The following CENPF variants were observed in gnomAD, a reference collection of about 807,000 sequenced individuals.
The protein encoded by CENPF is AH antigen.
A neutral mutation model predicts 307.3 loss-of-function variants in CENPF; 214 were observed. That is an observed-to-expected ratio of 0.70 (90% CI 0.62 to 0.78). The LOEUF is 0.78. Ranked by LOEUF, CENPF falls within the 30% of genes least tolerant of loss-of-function variation. The pLI, the probability that CENPF is intolerant of heterozygous loss-of-function variation, is 0.00. For missense variants in CENPF, 3,401 were observed against 3,483.9 expected, an observed-to-expected ratio of 0.98 and a Z score of 0.60; for synonymous variants, 1,259 against 1,270.6, an observed-to-expected ratio of 0.99 and a Z score of 0.19.
chr1:214,660,659 C>G (rs759659840), intron 19 of CENPF, among the ~76,000 whole-genome samples: 2 of 152,192 alleles, frequency 1.3e-5, no homozygotes, highest in African/African-American at 4.8e-5. Context: ...TTTCCCAAAC[C>G]TCAGTAAAAA....
In CENPF at chr1:214,641,232, A is replaced by G. The variant is rs1392510081; in HGVS notation, c.2894A>G (p.Asn965Ser). 1.2e-6 allele frequency: 2 copies of G among 1,603,380 alleles called. No homozygotes were observed. The highest frequency in any genetic ancestry group is 1.7e-6 in the Non-Finnish European group (2 of 1,177,240). ...KKEMSSIISL[N>S]KREIEELTQE... ...GAAATGAGTTCCATCATTTCTCTAAATAAAAGGGAAATTGAAGAGCTGACC... is the reference window on the plus strand; with the variant it reads ...GAAATGAGTTCCATCATTTCTCTAAGTAAAAGGGAAATTGAAGAGCTGACC... Residue 965 changes from asparagine (N) to serine (S), a missense_variant, in exon 12 of 20, where the codon AAT (asparagine) becomes AGT (serine). Transcript: ENST00000366955.
Position 214,603,665 on chromosome 1 carries a change from T to C in CENPF, c.-42+344T>C, listed in dbSNP as rs552567057. On this transcript the variant is annotated intron_variant, in intron 1 of 19. Transcript: ENST00000366955. ...GATGACTAGGTATTTCCAAGCCGCCTTCCCAGTCCCGTAACCAACCTTATT... is the reference window on the plus strand; with the variant it reads ...GATGACTAGGTATTTCCAAGCCGCCCTCCCAGTCCCGTAACCAACCTTATT... 3 of 152,402 alleles carry C rather than the reference T, an allele frequency of 2.0e-5. No individual in the cohort carries two copies. The South Asian group carries it at 6.2e-4, about 32-fold the overall frequency. 9.4% of individuals were successfully genotyped at this position (152,402 alleles called of 1,614,324 possible).
intron 3 of CENPF, 58 bp from the exon 4 acceptor site, chr1:214,618,515 A>G (rs2102535791): frequency 1.3e-6 from 2 of 1,580,428 alleles, no homozygotes; most frequent in Admixed American, 1.9e-5. Context: ...TAAGGCATTG[A>G]TATTCTGTAG....
Position 214,663,822 on chromosome 1 carries a change from G to C in CENPF, c.*28G>C, listed in dbSNP as rs1339257801. 6.3e-7 allele frequency: 1 copy of C among 1,585,820 alleles called. No homozygotes were observed. Among genetic ancestry groups the C allele is most frequent in the East Asian group, 2.3e-5 (1 of 44,274 alleles). ...GCACTTTGTGTGTCAGTACCCCTGGGAGGTGCCAGTCATTGAATAGATAAG... is the reference window on the plus strand; with the variant it reads ...GCACTTTGTGTGTCAGTACCCCTGGCAGGTGCCAGTCATTGAATAGATAAG... On this transcript the variant is annotated 3_prime_UTR_variant, in exon 20 of 20. Transcript: ENST00000366955.
chr1:214,651,050 C>A (rs57338227), intron 14 of CENPF, among the ~76,000 whole-genome samples: 16,428 of 152,186 alleles, frequency 0.11, 1,040 homozygotes, highest in South Asian at 0.16. Flanking sequence ...ATGGAGGTTG[C>A]TGATGCCATG....
chr1:214,618,929 T>C (rs1193204460), intron 4 of CENPF, among the ~76,000 whole-genome samples, 200 bp from the exon 5 acceptor site: 6 of 152,230 alleles, frequency 3.9e-5, no homozygotes, highest in African/African-American at 1.4e-4. Flanking sequence ...GAAATTCAAT[T>C]TCAGAATATT....
chr1:214,656,935 A>G lies in CENPF; in HGVS notation c.8488A>G (p.Thr2830Ala). The G allele has an allele frequency of 3.8e-6, 6 of 1,593,862 alleles. No individual in the cohort carries two copies. The highest frequency in any genetic ancestry group is 5.1e-6 in the Non-Finnish European group (6 of 1,171,186). ...QAAQEKQKTGTVMDTKVDELT... is the reference protein window; with the variant it reads ...QAAQEKQKTGAVMDTKVDELT... ...ATGTGTTGCTTTACTTTGGACAGGTACTGTTATGGATACCAAGGTCGATGA... is the reference window on the plus strand; with the variant it reads ...ATGTGTTGCTTTACTTTGGACAGGTGCTGTTATGGATACCAAGGTCGATGA... The change falls in exon 18 of 20, where the codon ACT (threonine) becomes GCT (alanine). Residue 2830 changes from threonine (T) to alanine (A), a missense_variant and splice_region_variant. By Grantham distance (58) the Thr-to-Ala change is moderately conservative. Coordinates refer to ENST00000366955, the MANE Select transcript of CENPF (RefSeq NM_016343.4).
intron 7 of CENPF, among the ~76,000 whole-genome samples, chr1:214,625,766 CATT>C (rs1262492883): frequency 2.6e-5 from 4 of 151,958 alleles, no homozygotes; most frequent in African/African-American, 9.7e-5. Context: ...CTAGATATTA[CATT>C]ATTTATACAC....
At chr1:214,622,007 CAA>C (rs1343011719) in intron 6 of CENPF, 70 bp from the exon 7 acceptor site, 6 of 1,205,616 alleles carry the variant, frequency 5.0e-6, no homozygotes, top group Non-Finnish European at 7.0e-6. Context: ...AAGAATAAAA[CAA>C]ATGATAAGTT....
At chr1:214,662,551 A>G (rs1658815455) in intron 19 of CENPF, among the ~76,000 whole-genome samples, 1 of 152,176 alleles carries the variant, frequency 6.6e-6, no homozygotes, top group South Asian at 2.1e-4. Context: ...AGATCCCTGG[A>G]AGTCAGTTGC....
Position 214,645,941 on chromosome 1 carries a change from T to C in CENPF, c.6371T>C (p.Leu2124Pro). The change falls in exon 13 of 20, where the codon CTG (leucine) becomes CCG (proline). Residue 2124 changes from leucine (L) to proline (P), a missense_variant. Transcript: ENST00000366955. The stretch of plus-strand genomic sequence containing the variant: ...CAGCTGAGAAGAGGCATCGAGAAAC[T>C]GAGAGTTCGCATTGAGGCCGATGAA... ...VHQLRRGIEK[L>P]RVRIEADEKK... 1.9e-6 allele frequency: 3 copies of C among 1,613,938 alleles called. No individual in the cohort carries two copies. The highest frequency in any genetic ancestry group is 1.6e-4 in the Middle Eastern group (1 of 6,062).
rs774968388 is a variant in CENPF at position 214,657,140 on chromosome 1, G to A, written c.8693G>A (p.Arg2898Gln). The change falls in exon 18 of 20, where the codon CGA becomes CAA. Residue 2898 changes from arginine (R) to glutamine (Q), a missense_variant. Arg to Gln is a conservative substitution (Grantham distance 43). Transcript: ENST00000366955. ...TCACAGCAATCTAAACAAGATTCCC[G>A]AGGGTCTCCTTTGCTAGGTCCAGTT... The part of the protein sequence containing the change: ...LCSQQSKQDS[R>Q]GSPLLGPVVP... 1.4e-5 allele frequency: 22 copies of A among 1,614,020 alleles called. No individual in the cohort carries two copies. The East Asian group carries it at 3.1e-4, about 23-fold the overall frequency.
In CENPF at chr1:214,642,949, C is replaced by A. The variant is rs1367010641; in HGVS notation, c.4611C>A (p.Thr1537=). 2 of 1,613,350 alleles carry A rather than the reference C, an allele frequency of 1.2e-6. No homozygotes were observed. The highest frequency in any genetic ancestry group is 2.2e-5 in the South Asian group (2 of 90,990). ...FCSSLQEENL[T]RKETPSAPAK... Reference sequence around the variant, plus strand: ...GCAGTCTGCAGGAGGAGAATCTGACCAGGAAAGAAACCCCTTCGGCCCCAG... The same window carrying A: ...GCAGTCTGCAGGAGGAGAATCTGACAAGGAAAGAAACCCCTTCGGCCCCAG... Residue 1537 remains threonine, a synonymous_variant, in exon 12 of 20, where the codon ACC becomes ACA. Coordinates refer to ENST00000366955, the MANE Select transcript of CENPF (RefSeq NM_016343.4).
At chr1:214,633,049 T>G (rs1426331566) in intron 10 of CENPF, among the ~76,000 whole-genome samples, 3 of 152,058 alleles carry the variant, frequency 2.0e-5, no homozygotes, top group Admixed American at 6.5e-5. Context: ...ACGTGGAAAG[T>G]CATAGATTTA....
At chr1:214,632,251 C>A (rs578251965) in intron 9 of CENPF, among the ~76,000 whole-genome samples, 2 of 152,170 alleles carry the variant, frequency 1.3e-5, no homozygotes, top group African/African-American at 4.8e-5. Context: ...TGTGTGGTCT[C>A]CTTGCCACAC....
At position 214,652,589 on chromosome 1, in the gene CENPF, G is replaced by A. The variant is rs181902203; in HGVS notation, c.8161-239G>A. ...CTCCCGAGTAGCTGGGATTATAGGC[G>A]CCTGCCACCACGCCCAGCTAATTTT... On this transcript the variant is annotated intron_variant, in intron 15 of 19. Transcript: ENST00000366955. Among the ~76,000 whole-genome samples the A allele has an allele frequency of 4.1e-3, 624 of 151,016 alleles. 5 individuals carry two copies. The highest frequency in any genetic ancestry group is 0.011 in the Admixed American group (166 of 15,120).
intron 11 of CENPF, among the ~76,000 whole-genome samples, chr1:214,639,647 G>A (rs1158581018): frequency 1.3e-5 from 2 of 152,136 alleles, no homozygotes; most frequent in Non-Finnish European, 1.5e-5. Context: ...TCATCCCTTG[G>A]TATTTTATTC....
In CENPF at chr1:214,646,167, A is replaced by G. The variant is rs2102567115; in HGVS notation, c.6597A>G (p.Lys2199=). Residue 2199 remains lysine, a synonymous_variant, in exon 13 of 20, where the codon AAA becomes AAG. Coordinates refer to ENST00000366955, the MANE Select transcript of CENPF (RefSeq NM_016343.4). The part of the protein sequence containing the change: ...TQIEEMARSL[K]VFELDLVTLR... ...TAGAAGAGATGGCCAGAAGCCTGAA[A>G]GTTTTTGAATTAGACCTTGTCACGT... 1 of 1,613,462 alleles carries G rather than the reference A, an allele frequency of 6.2e-7. No homozygotes were observed. Among genetic ancestry groups the G allele is most frequent in the Non-Finnish European group, 8.5e-7 (1 of 1,179,888 alleles).
chr1:214,626,972 A>G (rs1558176183), intron 7 of CENPF, among the ~76,000 whole-genome samples: 1 of 152,226 alleles, frequency 6.6e-6, no homozygotes, highest in South Asian at 2.1e-4. Context: ...TCTGACACAT[A>G]TAATGAAGTT....
Sources: gnomAD v4.1 joint callset for allele counts (sites outside exome capture counted in the v4.1 genomes callset) on GRCh38, gnomAD v4.1.1 for gene constraint, MANE v1.5 for transcripts, NCBI Gene and HGNC (gene_info 2026-07-23, HGNC 2026-07-21) for gene names.